ANO1: variants seen among roughly 807,000 people sequenced by gnomAD.
ANO1 encodes the protein anoctamin 1, also known as anoctamin-1.
A neutral mutation model predicts 124.0 loss-of-function variants in ANO1; 59 were observed. The observed-to-expected ratio is 0.48, with a 90% CI of 0.39 to 0.59. The LOEUF (loss-of-function observed/expected upper bound fraction) is 0.59. Ranked by LOEUF, ANO1 falls within the 20% of genes least tolerant of loss-of-function variation. The pLI is 0.00. For missense variants in ANO1, 1,059 were observed against 1,328.0 expected (o/e 0.80, Z 3.15); for synonymous variants, 529 against 532.0 (o/e 0.99, Z 0.08).
intron 7 of ANO1, among the ~76,000 whole-genome samples, chr11:70,113,094 T>C (rs1354214418): frequency 6.6e-6 from 1 of 152,072 alleles, no homozygotes; most frequent in Non-Finnish European, 1.5e-5. Context: ...TCACACATGC[T>C]GTTCCTTCTG....
At chr11:70,066,441 G>A (rs1467341281) in intron 1 of ANO1, among the ~76,000 whole-genome samples, 1 of 152,190 alleles carries the variant, frequency 6.6e-6, no homozygotes, top group Non-Finnish European at 1.5e-5. Flanking sequence ...ACCCTGCAGG[G>A]TTGCAGGGAC....
chr11:70,149,616 C>T, intron 11 of ANO1, 94 bp from the exon 12 acceptor site: 2 of 1,352,746 alleles, frequency 1.5e-6, no homozygotes, highest in Non-Finnish European at 2.0e-6. Context: ...CGCCATTGCA[C>T]TACAGCCTGG....
intron 3 of ANO1, among the ~76,000 whole-genome samples, chr11:70,103,645 C>T (rs2045367945): frequency 1.3e-5 from 2 of 152,140 alleles, no homozygotes; most frequent in Admixed American, 6.5e-5. Flanking sequence ...AGCTTGGAGT[C>T]GGTATTTACT....
chr11:70,060,379 G>A (rs1370977336), intron 1 of ANO1, among the ~76,000 whole-genome samples: 2 of 152,144 alleles, frequency 1.3e-5, no homozygotes, highest in Non-Finnish European at 1.5e-5. Context: ...AACTGCCATC[G>A]ATAAACCAAG....
At chr11:70,115,827 A>G (rs1278668465) in intron 7 of ANO1, among the ~76,000 whole-genome samples, 2 of 152,146 alleles carry the variant, frequency 1.3e-5, no homozygotes, top group Non-Finnish European at 2.9e-5. Context: ...GTCTAGACCC[A>G]TGATGTTCCA....
At chr11:70,064,589 A>C (rs1057410323) in intron 1 of ANO1, 1 of 152,188 alleles carries the variant, frequency 6.6e-6, no homozygotes, top group Non-Finnish European at 1.5e-5. Flanking sequence ...TCCAGGCCAG[A>C]TGAGAAGGAA....
At chr11:69,978,457 C>A in the ANO1 span, among the ~76,000 whole-genome samples, 1 of 152,292 alleles carries the variant, frequency 6.6e-6, no homozygotes, top group South Asian at 2.1e-4. Flanking sequence ...CTCAGGTGAT[C>A]CTCCTAGCTC....
At chr11:70,029,762 T>C (rs1856968908) in intron 1 of ANO1, among the ~76,000 whole-genome samples, 1 of 152,214 alleles carries the variant, frequency 6.6e-6, no homozygotes, top group Non-Finnish European at 1.5e-5. Flanking sequence ...CCACACTCCC[T>C]CTAGAGGCCC....
intron 1 of ANO1, among the ~76,000 whole-genome samples, chr11:70,040,723 C>T (rs184889193): frequency 6.6e-5 from 10 of 152,180 alleles, no homozygotes; most frequent in Admixed American, 2.0e-4. Context: ...GTTCAGAGCC[C>T]GGTCGAAGGA....
At chr11:70,149,345 C>T (rs1423610144) in intron 11 of ANO1, among the ~76,000 whole-genome samples, 1 of 152,198 alleles carries the variant, frequency 6.6e-6, no homozygotes, top group Non-Finnish European at 1.5e-5. Flanking sequence ...TCTCACCAAA[C>T]ACTGATAAAG....
At chr11:70,131,862 G>C (rs1340606999) in intron 10 of ANO1, 57 bp from the exon 11 acceptor site, 8 of 1,556,342 alleles carry the variant, frequency 5.1e-6, no homozygotes, top group South Asian at 4.7e-5. Context: ...TCGGCACCCA[G>C]GAGGTGCTCC....
At chr11:70,088,498 ACT>A (rs1414520964) in intron 2 of ANO1, among the ~76,000 whole-genome samples, 5 of 122,320 alleles carry the variant, frequency 4.1e-5, no homozygotes, top group South Asian at 6.1e-4. Context: ...ACAGAGTGAG[ACT>A]CTGCCTCAAA....
At chr11:70,042,011 A>C (rs1158586153) in intron 1 of ANO1, among the ~76,000 whole-genome samples, 1 of 152,190 alleles carries the variant, frequency 6.6e-6, no homozygotes, top group Non-Finnish European at 1.5e-5. Context: ...GAAATGACTG[A>C]TACCTGGGCT....
At chr11:69,972,895 T>C in the ANO1 span, among the ~76,000 whole-genome samples, 4 of 148,646 alleles carry the variant, frequency 2.7e-5, no homozygotes, top group Non-Finnish European at 5.9e-5. Flanking sequence ...TTTTTTTTTC[T>C]TTTTACTTTT....
At chr11:70,163,184 C>T (rs2048122438) in intron 18 of ANO1, 99 bp from the exon 19 acceptor site, 2 of 1,293,334 alleles carry the variant, frequency 1.5e-6, no homozygotes, top group Admixed American at 2.3e-5. Flanking sequence ...GAGGCTCAGC[C>T]TGCAGGACTC....
the ANO1 span, among the ~76,000 whole-genome samples, chr11:69,972,668 G>T: frequency 6.6e-6 from 1 of 152,120 alleles, no homozygotes; most frequent in African/African-American, 2.4e-5. Context: ...GCCTGGAGAC[G>T]TAGTTCACAA....
At chr11:70,061,768 T>C (rs1262516446) in intron 1 of ANO1, among the ~76,000 whole-genome samples, 2 of 152,122 alleles carry the variant, frequency 1.3e-5, no homozygotes, top group African/African-American at 4.8e-5. Context: ...CCTTATGCCT[T>C]AGATGGTTGT....
At chr11:70,152,412 C>T (rs755192906) in intron 12 of ANO1, 38 bp from the exon 13 acceptor site, 1 of 1,565,308 alleles carries the variant, frequency 6.4e-7, no homozygotes, top group Non-Finnish European at 8.7e-7. Flanking sequence ...GTAATGACAT[C>T]TTTGTGTTTT....
chr11:70,169,531 A>G (rs1236687278), intron 21 of ANO1, among the ~76,000 whole-genome samples: 1 of 148,118 alleles, frequency 6.8e-6, no homozygotes, highest in East Asian at 2.1e-4. Flanking sequence ...CAGAGTAGGC[A>G]GCGCCTCTCG....
Sources: allele counts gnomAD v4.1 joint callset (sites outside exome capture counted in the v4.1 genomes callset), GRCh38; gene constraint gnomAD v4.1.1; transcripts MANE v1.5; gene names NCBI Gene and HGNC (gene_info 2026-07-23, HGNC 2026-07-21).